Variants in PDE8B observed in about 807,000 individuals in gnomAD.
PDE8B encodes high affinity cAMP-specific and IBMX-insensitive 3',5'-cyclic phosphodiesterase 8B.
A neutral mutation model predicts 101.3 loss-of-function variants in PDE8B; 26 were observed. That is an observed-to-expected ratio of 0.26 (90% CI 0.19 to 0.36). The LOEUF (loss-of-function observed/expected upper bound fraction) is 0.36. Ranked by LOEUF, PDE8B falls within the 10% of genes least tolerant of loss-of-function variation. The probability of loss-of-function intolerance (pLI) is 1.00; values close to 1 mark genes in which losing one functional copy is unlikely to be tolerated. For synonymous variants in PDE8B, 424 were observed against 429.3 expected (o/e 0.99, Z 0.15); for missense variants, 810 against 1,163.1 (o/e 0.70, Z 4.42).
chr5:77,285,399 C>A (rs1765800050), intron 1 of PDE8B, among the ~76,000 whole-genome samples: 1 of 152,086 alleles, frequency 6.6e-6, no homozygotes. Flanking sequence ...CTTAGTTTTA[C>A]TTTGTCCAGA....
intron 17 of PDE8B, among the ~76,000 whole-genome samples, chr5:77,417,919 G>GCACA (rs1795897271): frequency 1.3e-5 from 2 of 152,122 alleles, no homozygotes; most frequent in Non-Finnish European, 2.9e-5. Context: ...TTTCTGCTGT[G>GCACA]GCAGAAATAC....
At chr5:77,260,051 C>T (rs1760147685) in intron 1 of PDE8B, among the ~76,000 whole-genome samples, 1 of 150,580 alleles carries the variant, frequency 6.6e-6, no homozygotes, top group Non-Finnish European at 1.5e-5. Flanking sequence ...ATAATCCCAG[C>T]TACTTGGGAG....
At chr5:77,304,353 C>A (rs1374539708) in intron 1 of PDE8B, among the ~76,000 whole-genome samples, 1 of 152,114 alleles carries the variant, frequency 6.6e-6, no homozygotes, top group Non-Finnish European at 1.5e-5. Context: ...TTTTTCAAAT[C>A]ATTTCCCCGG....
chr5:77,419,984 G>T, intron 19 of PDE8B, 97 bp downstream of exon 19: 1 of 1,414,924 alleles, frequency 7.1e-7, no homozygotes. Flanking sequence ...TCAAATGTAA[G>T]GTGGTTATTT....
intron 1 of PDE8B, among the ~76,000 whole-genome samples, chr5:77,216,552 A>G (rs151328507): frequency 4.7e-4 from 71 of 152,316 alleles, no homozygotes; most frequent in African/African-American, 1.6e-3. Flanking sequence ...CCCACAACAC[A>G]TGGGAATTAT....
At chr5:77,262,007 C>T (rs1186437746) in intron 1 of PDE8B, among the ~76,000 whole-genome samples, 1 of 152,026 alleles carries the variant, frequency 6.6e-6, no homozygotes, top group African/African-American at 2.4e-5. Flanking sequence ...AATTGGGCTT[C>T]AATTTTTGTA....
the PDE8B span, among the ~76,000 whole-genome samples, chr5:77,174,871 T>G: frequency 6.6e-6 from 1 of 152,148 alleles, no homozygotes; most frequent in Non-Finnish European, 1.5e-5. Flanking sequence ...CTGACCTGTC[T>G]ACTGAGCTCA....
upstream of PDE8B, among the ~76,000 whole-genome samples, chr5:77,208,511 T>A (rs1288915941): frequency 6.6e-6 from 1 of 152,218 alleles, no homozygotes; most frequent in Non-Finnish European, 1.5e-5. Flanking sequence ...AGGTCCTAAA[T>A]TGTCCTTTGG....
intron 1 of PDE8B, among the ~76,000 whole-genome samples, chr5:77,268,062 T>C (rs1219518049): frequency 6.6e-6 from 1 of 151,860 alleles, no homozygotes; most frequent in African/African-American, 2.4e-5. Flanking sequence ...AAACCAAACC[T>C]GATGAAAGGG....
intron 3 of PDE8B, among the ~76,000 whole-genome samples, 169 bp downstream of exon 3, chr5:77,325,898 T>C (rs1237580796): frequency 2.6e-5 from 4 of 152,228 alleles, no homozygotes; most frequent in African/African-American, 4.8e-5. Flanking sequence ...TTCCTGTAGA[T>C]TTCTCTCTCC....
chr5:77,183,204 C>T, the PDE8B span, among the ~76,000 whole-genome samples: 2 of 151,992 alleles, frequency 1.3e-5, no homozygotes, highest in African/African-American at 4.8e-5. Flanking sequence ...ACTGCAACCT[C>T]TGCCTCCCAA....
chr5:77,345,044 A>G (rs111538620), intron 7 of PDE8B, 113 bp downstream of exon 7: 17 of 764,998 alleles, frequency 2.2e-5, no homozygotes, highest in African/African-American at 2.0e-4. Flanking sequence ...ACATTTTCTT[A>G]GGAGAAATAA....
the PDE8B span, among the ~76,000 whole-genome samples, chr5:77,128,977 T>C: frequency 2.6e-5 from 4 of 152,322 alleles, no homozygotes; most frequent in African/African-American, 7.2e-5. Context: ...TTTACCCAGA[T>C]ATTAGCTTGA....
upstream of PDE8B, among the ~76,000 whole-genome samples, chr5:77,205,667 A>G (rs1318990631): frequency 1.3e-5 from 2 of 152,222 alleles, no homozygotes; most frequent in Admixed American, 6.5e-5. Flanking sequence ...ACTCATTTAC[A>G]TGGTTTTTAT....
chr5:77,158,143 A>C, the PDE8B span, among the ~76,000 whole-genome samples: 3 of 151,962 alleles, frequency 2.0e-5, no homozygotes, highest in African/African-American at 7.3e-5. Flanking sequence ...CAGGTGTATG[A>C]CTCTCAAGCC....
At chr5:77,326,057 A>G (rs1404301903) in intron 3 of PDE8B, among the ~76,000 whole-genome samples, 3 of 152,198 alleles carry the variant, frequency 2.0e-5, no homozygotes, top group Non-Finnish European at 2.9e-5. Context: ...TACGGTTTGG[A>G]TTTAAACTAG....
At chr5:77,340,533 T>G (rs1581134649) in intron 6 of PDE8B, among the ~76,000 whole-genome samples, 1 of 152,034 alleles carries the variant, frequency 6.6e-6, no homozygotes, top group African/African-American at 2.4e-5. Context: ...TGTGGACTTG[T>G]GTTCAGAATC....
At chr5:77,170,728 C>T in the PDE8B span, among the ~76,000 whole-genome samples, 4 of 152,212 alleles carry the variant, frequency 2.6e-5, no homozygotes, top group Non-Finnish European at 4.4e-5. Context: ...AATATTTCTC[C>T]TCAAATATAG....
chr5:77,132,399 ATATAGT>A, the PDE8B span, among the ~76,000 whole-genome samples: 1 of 152,220 alleles, frequency 6.6e-6, no homozygotes, highest in African/African-American at 2.4e-5. Flanking sequence ...CATTCTCTCA[ATATAGT>A]TATAGGACAG....
Sources: allele counts gnomAD v4.1 joint callset (sites outside exome capture counted in the v4.1 genomes callset), GRCh38; gene constraint gnomAD v4.1.1; transcripts MANE v1.5; gene names NCBI Gene and HGNC (gene_info 2026-07-23, HGNC 2026-07-21).